Variants in FN3KRP observed in about 807,000 individuals in gnomAD.
The protein encoded by FN3KRP is fructosamine 3 kinase related protein.
Under a neutral mutation model 29.8 loss-of-function variants are expected in FN3KRP, and 33 were observed. The ratio of observed to expected loss-of-function variants is 1.11; its 90% CI spans 0.84 to 1.48. FN3KRP has a LOEUF of 1.48. FN3KRP is among the 40% of genes most tolerant of loss of function. The pLI is 0.00. For synonymous variants in FN3KRP, 157 were observed against 155.2 expected (o/e 1.01, Z -0.09); for missense variants, 430 against 402.6 (o/e 1.07, Z -0.58).
rs989621666 is a variant in FN3KRP, at chr17:82,726,063, C to T, written c.469-417C>T. On this transcript the variant is annotated intron_variant, in intron 4 of 5. Transcript: ENST00000269373. ...GGCGTGGTGGTGCATGCTTGTAATC[C>T]CAGCTACTTGGGAGGCTGAGGCAGG... Among the ~76,000 whole-genome samples, 25 of 152,090 alleles carry T rather than the reference C, an allele frequency of 1.6e-4. 1 individual carries two copies. Among genetic ancestry groups the T allele is most frequent in the Non-Finnish European group, 2.9e-5 (2 of 68,010 alleles).
chr17:82,718,209 G>A (rs62076475), intron 1 of FN3KRP, among the ~76,000 whole-genome samples: 6,310 of 151,760 alleles, frequency 0.042, 176 homozygotes, highest in Non-Finnish European at 0.062. Context: ...GTGTGTAAGG[G>A]TGGAGCCCCA....
intron 4 of FN3KRP, among the ~76,000 whole-genome samples, chr17:82,725,032 C>T (rs1235951415): frequency 6.6e-6 from 1 of 151,776 alleles, no homozygotes; most frequent in Non-Finnish European, 1.5e-5. Context: ...AGGACAGTCT[C>T]AATCTCCTGG....
chr17:82,717,343 A>G (rs1378222703), intron 1 of FN3KRP, among the ~76,000 whole-genome samples: 1 of 152,130 alleles, frequency 6.6e-6, no homozygotes, highest in Non-Finnish European at 1.5e-5. Flanking sequence ...CTCGGTCAGT[A>G]CGTTGTGAAA....
chr17:82,723,606 C>T (rs891643345), intron 4 of FN3KRP, among the ~76,000 whole-genome samples: 1 of 151,076 alleles, frequency 6.6e-6, no homozygotes, highest in African/African-American at 2.5e-5. Flanking sequence ...TGTGTATGTG[C>T]ACGCATGTGT....
At chr17:82,719,677 C>T (rs548230828) in intron 2 of FN3KRP, among the ~76,000 whole-genome samples, 11 of 151,890 alleles carry the variant, frequency 7.2e-5, no homozygotes, top group Non-Finnish European at 1.6e-4. Context: ...ATCACTTGAA[C>T]GCAGGAGGCA....
rs2046850952 is a variant in FN3KRP, at chr17:82,727,994, A to C, written c.*823A>C. The C allele has an allele frequency of 6.6e-6, 1 of 152,162 alleles. No homozygotes were observed. Among genetic ancestry groups the C allele is most frequent in the Admixed American group, 6.5e-5 (1 of 15,274 alleles). The allele number at this position is 152,162 out of a possible 1,614,324, so 9.4% of individuals were successfully genotyped here. A position where few individuals can be genotyped will look rare whatever the true frequency, so the allele number is the denominator to read the frequency against. On this transcript the variant is annotated 3_prime_UTR_variant, in exon 6 of 6. Transcript: ENST00000269373. ...ATCCTTTGCACAAAAATTTGAATAAACTTCCAGTGGTTTCGATAACGTACA... is the reference window on the plus strand; with the variant it reads ...ATCCTTTGCACAAAAATTTGAATAACCTTCCAGTGGTTTCGATAACGTACA...
intron 4 of FN3KRP, among the ~76,000 whole-genome samples, 158 bp downstream of exon 4, chr17:82,723,044 C>T (rs757090301): frequency 6.6e-6 from 1 of 152,160 alleles, no homozygotes; most frequent in East Asian, 1.9e-4. Flanking sequence ...TAAGATTGAC[C>T]CACCTAATAT....
In FN3KRP at chr17:82,726,679, G is replaced by A. The variant is rs1568062785; in HGVS notation, c.591+77G>A. On this transcript the variant is annotated intron_variant, in intron 5 of 5. Coordinates refer to ENST00000269373, the MANE Select transcript of FN3KRP (RefSeq NM_024619.4). ...TGAGGTAGGGGAGGCACCAAGGCAG[G>A]TGAGGCCACCTCTGAGTCTGATTCT... 12 of 1,548,008 alleles carry A rather than the reference G, an allele frequency of 7.8e-6. No homozygotes were observed. The East Asian group carries it at 2.5e-4, about 32-fold the overall frequency.
Position 82,727,285 on chromosome 17 carries a change from C to A in FN3KRP, c.*114C>A. 2 of 920,268 alleles carry A rather than the reference C, an allele frequency of 2.2e-6. No homozygotes were observed. The highest frequency in any genetic ancestry group is 3.3e-6 in the Non-Finnish European group (2 of 603,256). The allele number at this position is 920,268 out of a possible 1,614,324, so 57.0% of individuals were successfully genotyped here. A position where few individuals can be genotyped will look rare whatever the true frequency, so the allele number is the denominator to read the frequency against. Reference sequence around the variant, plus strand: ...TAAGACCAATGCAGTAGCTTATTTCCAAGCCTTGCAAAGTATATAATATCT... The same window carrying A: ...TAAGACCAATGCAGTAGCTTATTTCAAAGCCTTGCAAAGTATATAATATCT... On this transcript the variant is annotated 3_prime_UTR_variant, in exon 6 of 6. Coordinates refer to ENST00000269373, the MANE Select transcript of FN3KRP (RefSeq NM_024619.4).
chr17:82,718,771 T>TC, intron 1 of FN3KRP, 135 bp from the exon 2 acceptor site: 1 of 1,246,958 alleles, frequency 8.0e-7, no homozygotes, highest in South Asian at 1.4e-5. Flanking sequence ...GAAAACACTG[T>TC]CCATGTGTAT....
Position 82,727,260 on chromosome 17 carries a change from T to A in FN3KRP, c.*89T>A. ...TGTTTCTTCACATGCTGGACTAGCT[T>A]AAGACCAATGCAGTAGCTTATTTCC... On this transcript the variant is annotated 3_prime_UTR_variant, in exon 6 of 6. Coordinates refer to ENST00000269373, the MANE Select transcript of FN3KRP (RefSeq NM_024619.4). The A allele has an allele frequency of 1.8e-6, 2 of 1,132,532 alleles. No individual in the cohort carries two copies. Among genetic ancestry groups the A allele is most frequent in the Non-Finnish European group, 2.6e-6 (2 of 782,138 alleles). The allele number at this position is 1,132,532 out of a possible 1,614,324, so 70.2% of individuals were successfully genotyped here. A position where few individuals can be genotyped will look rare whatever the true frequency, so the allele number is the denominator to read the frequency against.
intron 1 of FN3KRP, among the ~76,000 whole-genome samples, chr17:82,717,487 A>G (rs2046765687): frequency 6.6e-6 from 1 of 152,140 alleles, no homozygotes; most frequent in Non-Finnish European, 1.5e-5. Context: ...TGGGAGACAG[A>G]GGTGGGTGGA....
intron 4 of FN3KRP, among the ~76,000 whole-genome samples, 172 bp downstream of exon 4, chr17:82,723,058 A>G (rs1466892842): frequency 6.6e-6 from 1 of 152,222 alleles, no homozygotes; most frequent in African/African-American, 2.4e-5. Flanking sequence ...CTAATATGCT[A>G]GGTAAGCATG....
In FN3KRP at chr17:82,716,720, C is replaced by T. The variant is rs754224792; in HGVS notation, c.-36C>T. 3.7e-5 allele frequency: 54 copies of T among 1,465,390 alleles called. No individual in the cohort carries two copies. Among genetic ancestry groups the T allele is most frequent in the Non-Finnish European group, 4.8e-5 (54 of 1,115,502 alleles). The allele number at this position is 1,465,390 out of a possible 1,614,324, so 90.8% of individuals were successfully genotyped here. A position where few individuals can be genotyped will look rare whatever the true frequency, so the allele number is the denominator to read the frequency against. ...TCGGCCGCCGTCTCTCGAGTCTCCGCCAGATCCGGGGCGGGTCCGCGGCCG... is the reference window on the plus strand; with the variant it reads ...TCGGCCGCCGTCTCTCGAGTCTCCGTCAGATCCGGGGCGGGTCCGCGGCCG... On this transcript the variant is annotated 5_prime_UTR_variant, in exon 1 of 6. Transcript: ENST00000269373.
In FN3KRP at chr17:82,716,806, G is replaced by T. The variant is rs747135475; in HGVS notation, c.51G>T (p.Thr17=). The T allele has an allele frequency of 1.0e-5, 16 of 1,551,430 alleles. No individual in the cohort carries two copies. In the Admixed American group the frequency reaches 1.3e-4, roughly 12 times the overall value. Residue 17 remains threonine, a synonymous_variant, in exon 1 of 6, where the codon ACG becomes ACT. Coordinates refer to ENST00000269373, the MANE Select transcript of FN3KRP (RefSeq NM_024619.4). ...TGGGCTGCAGCTCTGTCAGGGCCAC[G>T]GGCCACTCGGGGGGCGGGTGCATCA... ...RELGCSSVRA[T]GHSGGGCISQ... is the part of the protein sequence containing the mutation.
At chr17:82,716,982 C>A in intron 1 of FN3KRP, 86 bp downstream of exon 1, 2 of 1,480,006 alleles carry the variant, frequency 1.4e-6, no homozygotes, top group Non-Finnish European at 1.8e-6. Context: ...GCCTGGGCTT[C>A]TCCCGCCGGA....
chr17:82,720,403 G>A (rs746462807), intron 3 of FN3KRP, 40 bp downstream of exon 3: 16 of 1,543,444 alleles, frequency 1.0e-5, no homozygotes, highest in Admixed American at 3.4e-5. Context: ...CCGCCTAGAG[G>A]AGGACGTTCA....
At chr17:82,720,177 A>C (rs1437778358) in intron 2 of FN3KRP, 95 bp from the exon 3 acceptor site, 5 of 975,506 alleles carry the variant, frequency 5.1e-6, no homozygotes, top group Non-Finnish European at 7.8e-6. Flanking sequence ...AAAAAATAAA[A>C]AAGTTTGACC....
chr17:82,716,925 G>A (rs1454772859), intron 1 of FN3KRP, 29 bp downstream of exon 1: 1 of 1,559,546 alleles, frequency 6.4e-7, no homozygotes, highest in Non-Finnish European at 8.6e-7. Flanking sequence ...CGGGCCGGGG[G>A]ACCGGTTTCT....
Sources: gnomAD v4.1 joint callset for allele counts (sites outside exome capture counted in the v4.1 genomes callset) on GRCh38, gnomAD v4.1.1 for gene constraint, MANE v1.5 for transcripts, NCBI Gene and HGNC (gene_info 2026-07-23, HGNC 2026-07-21) for gene names.